DRC11: variants seen among roughly 807,000 people sequenced by gnomAD.
The protein encoded by DRC11 is dynein regulatory complex subunit 11, also known as IQ and AAA domain-containing protein 1.
At chr2:236,454,236 T>C in the DRC11 span, among the ~76,000 whole-genome samples, 5 of 152,194 alleles carry the variant, frequency 3.3e-5, no homozygotes, top group Admixed American at 1.3e-4. The surrounding 1 kb of genome is among the most constrained non-coding windows in gnomAD (Gnocchi z 5.3). Flanking sequence ...CATGACTTGG[T>C]GCCCGGATAA....
the DRC11 span, among the ~76,000 whole-genome samples, chr2:236,425,596 C>T: frequency 6.6e-6 from 1 of 151,850 alleles, no homozygotes; most frequent in African/African-American, 2.4e-5. Flanking sequence ...TAGGTTGACT[C>T]TTCTCTTTTG....
the DRC11 span, among the ~76,000 whole-genome samples, chr2:236,383,418 T>G: frequency 6.6e-6 from 1 of 152,116 alleles, no homozygotes; most frequent in African/African-American, 2.4e-5. Flanking sequence ...TTTCCTATTG[T>G]CTATCTATTC....
At chr2:236,453,841 C>G in the DRC11 span, among the ~76,000 whole-genome samples, 2 of 152,074 alleles carry the variant, frequency 1.3e-5, no homozygotes, top group Admixed American at 1.3e-4. This position sits in a 1 kb window ranked among gnomAD's most constrained non-coding sequence, Gnocchi z 4.9. Flanking sequence ...GGGGTTTCAT[C>G]ATGTTGGCCA....
chr2:236,502,852 G>A, the DRC11 span, among the ~76,000 whole-genome samples: 1 of 151,474 alleles, frequency 6.6e-6, no homozygotes, highest in Non-Finnish European at 1.5e-5. Context: ...CTACTCAAGA[G>A]GCTGAGATGG....
the DRC11 span, among the ~76,000 whole-genome samples, chr2:236,444,566 G>A: frequency 1.3e-5 from 2 of 152,170 alleles, no homozygotes; most frequent in African/African-American, 4.8e-5. Context: ...CCATTCCCTT[G>A]GCCACTGCTG....
At chr2:236,422,677 T>C in the DRC11 span, among the ~76,000 whole-genome samples, 3 of 152,210 alleles carry the variant, frequency 2.0e-5, no homozygotes, top group African/African-American at 7.2e-5. Context: ...CCAATGACTT[T>C]CTTGACAGAA....
At chr2:236,413,472 A>G in the DRC11 span, among the ~76,000 whole-genome samples, 1 of 152,130 alleles carries the variant, frequency 6.6e-6, no homozygotes, top group Non-Finnish European at 1.5e-5. The surrounding 1 kb of genome is among the most constrained non-coding windows in gnomAD (Gnocchi z 4.0). Context: ...CATGACATTC[A>G]CTTGTCCATT....
chr2:236,460,482 C>T, the DRC11 span, among the ~76,000 whole-genome samples: 3,020 of 152,218 alleles, frequency 0.02, 100 homozygotes, highest in Admixed American at 0.065. The surrounding 1 kb of genome is among the most constrained non-coding windows in gnomAD (Gnocchi z 4.0). Flanking sequence ...ATGGTTGCCA[C>T]GGGTGCCCAA....
the DRC11 span, among the ~76,000 whole-genome samples, chr2:236,317,273 C>T: frequency 2.7e-5 from 4 of 150,176 alleles, no homozygotes; most frequent in Non-Finnish European, 3.0e-5. This position sits in a 1 kb window ranked among gnomAD's most constrained non-coding sequence, Gnocchi z 5.4. Flanking sequence ...TCCTGCCTGG[C>T]GACAGAGTGA....
chr2:236,486,993 A>T, the DRC11 span: 2 of 868,166 alleles, frequency 2.3e-6, no homozygotes, highest in Middle Eastern at 5.1e-4. This position sits in a 1 kb window ranked among gnomAD's most constrained non-coding sequence, Gnocchi z 5.7. Context: ...ACATCTCAAA[A>T]TGCCAACTAA....
chr2:236,321,333 C>T, the DRC11 span, among the ~76,000 whole-genome samples: 3 of 152,004 alleles, frequency 2.0e-5, no homozygotes, highest in East Asian at 1.9e-4. Flanking sequence ...AAATGAGGCC[C>T]GTCTGTATGT....
At chr2:236,474,203 A>G in the DRC11 span, among the ~76,000 whole-genome samples, 1 of 152,192 alleles carries the variant, frequency 6.6e-6, no homozygotes, top group African/African-American at 2.4e-5. Flanking sequence ...ATGCCAAGTG[A>G]AGACACACTC....
the DRC11 span, chr2:236,419,403 G>C: frequency 7.3e-7 from 1 of 1,361,438 alleles, no homozygotes; most frequent in Non-Finnish European, 9.5e-7. This position sits in a 1 kb window ranked among gnomAD's most constrained non-coding sequence, Gnocchi z 4.8. Flanking sequence ...CCTGCAGGCC[G>C]ACCCCTTCTG....
the DRC11 span, among the ~76,000 whole-genome samples, chr2:236,347,998 G>C: frequency 5.3e-5 from 8 of 152,156 alleles, no homozygotes; most frequent in Non-Finnish European, 1.2e-4. Context: ...CAAGCCGGGC[G>C]CTTTGCCCCC....
the DRC11 span, among the ~76,000 whole-genome samples, chr2:236,318,664 AGT>A: frequency 4.6e-5 from 7 of 152,028 alleles, no homozygotes; most frequent in East Asian, 1.2e-3. The surrounding 1 kb of genome is among the most constrained non-coding windows in gnomAD (Gnocchi z 7.0). Flanking sequence ...GTGTTTGTGT[AGT>A]GTGTACAGAT....
At chr2:236,496,493 G>A in the DRC11 span, among the ~76,000 whole-genome samples, 2 of 152,226 alleles carry the variant, frequency 1.3e-5, no homozygotes, top group Non-Finnish European at 2.9e-5. The surrounding 1 kb of genome is among the most constrained non-coding windows in gnomAD (Gnocchi z 6.3). Context: ...CAGCCAGCCT[G>A]AGTCAGAAGA....
At chr2:236,373,867 C>T in the DRC11 span, among the ~76,000 whole-genome samples, 3 of 152,124 alleles carry the variant, frequency 2.0e-5, no homozygotes, top group African/African-American at 7.2e-5. Flanking sequence ...TCTTCTGGGC[C>T]TTCTCTATGC....
the DRC11 span, among the ~76,000 whole-genome samples, chr2:236,360,421 G>A: frequency 1.3e-5 from 2 of 152,320 alleles, no homozygotes; most frequent in South Asian, 2.1e-4. This position sits in a 1 kb window ranked among gnomAD's most constrained non-coding sequence, Gnocchi z 5.8. Flanking sequence ...AGATGCTTAC[G>A]AAACACTAAT....
At chr2:236,483,415 A>T in the DRC11 span, among the ~76,000 whole-genome samples, 1 of 152,218 alleles carries the variant, frequency 6.6e-6, no homozygotes, top group Non-Finnish European at 1.5e-5. This position sits in a 1 kb window ranked among gnomAD's most constrained non-coding sequence, Gnocchi z 4.8. Flanking sequence ...CACAAAGATC[A>T]AACAGAAATT....
Sources: gnomAD v4.1 joint callset for allele counts (sites outside exome capture counted in the v4.1 genomes callset) on GRCh38, gnomAD v4.1.1 for gene constraint, Gnocchi (gnomAD v3.1) non-coding constraint, MANE v1.5 for transcripts, NCBI Gene and HGNC (gene_info 2026-07-23, HGNC 2026-07-21) for gene names.